SMAP2: variants seen among roughly 807,000 people sequenced by gnomAD.
SMAP2 encodes stromal membrane-associated protein 2.
SMAP2 carries 25 observed loss-of-function variants against 56.4 expected under a neutral mutation model. That is an observed-to-expected ratio of 0.44 (90% confidence interval 0.32 to 0.62). The LOEUF (loss-of-function observed/expected upper bound fraction) is 0.62, where lower values mean the gene tolerates loss of function less well. SMAP2 is among the 20% of genes least tolerant of loss of function. SMAP2 has a pLI of 0.04. For missense variants in SMAP2, 388 were observed against 545.6 expected (o/e 0.71, Z 2.88); for synonymous variants, 157 against 181.7 (o/e 0.86, Z 1.09).
chr1:40,401,461 A>C (rs1283310668), intron 1 of SMAP2, among the ~76,000 whole-genome samples: 1 of 152,188 alleles, frequency 6.6e-6, no homozygotes, highest in Non-Finnish European at 1.5e-5. Flanking sequence ...GTCTAAATAT[A>C]GGTAGCCATC....
chr1:40,423,156 G>A lies in SMAP2; in HGVS notation c.*1055G>A, dbSNP rs558765708. The stretch of plus-strand genomic sequence containing the variant: ...TGCTCTGTTTCCCCACCGTTCCCAG[G>A]TGTACGAGGCAGAGGGCCGGGACAG... On this transcript the variant is annotated 3_prime_UTR_variant, in exon 10 of 10. Transcript: ENST00000372718. The A allele has an allele frequency of 6.5e-6, 1 of 152,704 alleles. No individual in the cohort carries two copies. Among genetic ancestry groups the A allele is most frequent in the South Asian group, 2.1e-4 (1 of 4,816 alleles). 9.5% of individuals were successfully genotyped at this position (152,704 alleles called of 1,614,324 possible). A position where few individuals can be genotyped will look rare whatever the true frequency, so the allele number is the denominator to read the frequency against.
intron 1 of SMAP2, among the ~76,000 whole-genome samples, chr1:40,361,732 G>A (rs1306907450): frequency 1.3e-5 from 2 of 152,164 alleles, no homozygotes; most frequent in African/African-American, 4.8e-5. Flanking sequence ...GCCACAGGGA[G>A]AGACTCCTCT....
At chr1:40,361,783 T>C (rs886260236) in intron 1 of SMAP2, among the ~76,000 whole-genome samples, 2 of 152,168 alleles carry the variant, frequency 1.3e-5, no homozygotes, top group Admixed American at 6.5e-5. Flanking sequence ...GGACTTTGTC[T>C]TGTGGCTTGG....
Position 40,405,757 on chromosome 1 carries a change from TC to T in SMAP2, c.104-978del, listed in dbSNP as rs1198172012. Among the ~76,000 whole-genome samples, 14 of 152,380 alleles carry T rather than the reference TC, an allele frequency of 9.2e-5. 1 individual carries two copies. The highest frequency in any genetic ancestry group is 5.8e-4 in the East Asian group (3 of 5,196). The stretch of plus-strand genomic sequence containing the variant: ...TGGCAGGTTTCATATAAGTCATTTT[TC>T]TTTCCTGGGTAAAAATTATGAAGAG... On this transcript the variant is annotated intron_variant, in intron 1 of 9. Transcript: ENST00000372718.
chr1:40,412,642 T>C (rs1213141263), intron 4 of SMAP2, among the ~76,000 whole-genome samples: 2 of 152,206 alleles, frequency 1.3e-5, no homozygotes, highest in Non-Finnish European at 2.9e-5. Context: ...GATGAACTTA[T>C]TCACTAGTAT....
At chr1:40,418,125 TAAGAC>T (rs1010202574) in intron 9 of SMAP2, among the ~76,000 whole-genome samples, 21 of 152,264 alleles carry the variant, frequency 1.4e-4, no homozygotes, top group African/African-American at 4.3e-4. Context: ...CATTTGCAGA[TAAGAC>T]AAAACACCTT....
chr1:40,397,772 C>A (rs1644786902), intron 1 of SMAP2, among the ~76,000 whole-genome samples: 1 of 151,982 alleles, frequency 6.6e-6, no homozygotes, highest in African/African-American at 2.4e-5. Flanking sequence ...CAAAGCATAC[C>A]CTGGGCTATT....
chr1:40,401,273 A>G (rs7525466), intron 1 of SMAP2, among the ~76,000 whole-genome samples: 3,677 of 152,200 alleles, frequency 0.024, 60 homozygotes, highest in African/African-American at 0.043. Context: ...AAAACAAACA[A>G]ACACACACAA....
intron 1 of SMAP2, among the ~76,000 whole-genome samples, chr1:40,376,968 G>A (rs1255736702): frequency 6.6e-6 from 1 of 152,078 alleles, no homozygotes; most frequent in Non-Finnish European, 1.5e-5. Flanking sequence ...TTTATTAGTT[G>A]ACTTTCAAGG....
intron 1 of SMAP2, among the ~76,000 whole-genome samples, chr1:40,354,542 T>C (rs1054773796): frequency 2.6e-5 from 4 of 151,838 alleles, no homozygotes; most frequent in Non-Finnish European, 5.9e-5. Flanking sequence ...TTTCACCATA[T>C]TGGCCAGGCT....
chr1:40,391,385 G>A (rs1457330574), intron 1 of SMAP2, among the ~76,000 whole-genome samples: 1 of 152,026 alleles, frequency 6.6e-6, no homozygotes, highest in Admixed American at 6.6e-5. Flanking sequence ...AGTCCACCTG[G>A]CCAACTTTGA....
chr1:40,387,676 A>C (rs1644671136), intron 1 of SMAP2, among the ~76,000 whole-genome samples: 1 of 152,008 alleles, frequency 6.6e-6, no homozygotes, highest in Non-Finnish European at 1.5e-5. Context: ...TCACATTGAG[A>C]GGTGACAGCG....
At chr1:40,378,873 A>G (rs1234978562) in intron 1 of SMAP2, among the ~76,000 whole-genome samples, 1 of 152,202 alleles carries the variant, frequency 6.6e-6, no homozygotes, top group Non-Finnish European at 1.5e-5. Flanking sequence ...CAAAAGGTCC[A>G]AAGGGGAATA....
chr1:40,387,520 G>T (rs910056666), intron 1 of SMAP2, among the ~76,000 whole-genome samples: 2 of 152,202 alleles, frequency 1.3e-5, no homozygotes, highest in Non-Finnish European at 2.9e-5. Context: ...TTATCATTCT[G>T]AACTGCTTCA....
chr1:40,351,717 G>T (rs936693724), intron 1 of SMAP2, among the ~76,000 whole-genome samples: 2 of 152,106 alleles, frequency 1.3e-5, no homozygotes, highest in African/African-American at 4.8e-5. Context: ...GGTCAGGCTC[G>T]TCTCGAACTC....
chr1:40,347,180 A>G (rs896712092), intron 1 of SMAP2, among the ~76,000 whole-genome samples: 1 of 149,860 alleles, frequency 6.7e-6, no homozygotes, highest in East Asian at 2.0e-4. Flanking sequence ...AGTAGCTGGG[A>G]CCACAGGTGC....
Position 40,374,237 on chromosome 1 carries a change from C to A in SMAP2, c.103+14C>A. 4 of 1,599,150 alleles carry A rather than the reference C, an allele frequency of 2.5e-6. No homozygotes were observed. Among genetic ancestry groups the A allele is most frequent in the Non-Finnish European group, 3.4e-6 (4 of 1,172,422 alleles). ...GCCAGTCTAAAGGTAGCGCATCCCA[C>A]CTGGCGGGCCAGGGGTCCAGCCGCG... On this transcript the variant is annotated intron_variant, in intron 1 of 9. Transcript: ENST00000372718. The surrounding 1 kb of genome is among the most constrained non-coding windows in gnomAD (Gnocchi z 5.9).
intron 1 of SMAP2, among the ~76,000 whole-genome samples, chr1:40,383,556 A>T (rs1175424087): frequency 6.6e-6 from 1 of 152,190 alleles, no homozygotes; most frequent in Non-Finnish European, 1.5e-5. Context: ...CAGATATAAC[A>T]TTGCGTGCTT....
intron 1 of SMAP2, among the ~76,000 whole-genome samples, chr1:40,388,898 C>G (rs536743551): frequency 6.6e-6 from 1 of 152,104 alleles, no homozygotes; most frequent in African/African-American, 2.4e-5. Context: ...AGCGAGACCA[C>G]GAACCCACCG....
Sources: allele counts gnomAD v4.1 joint callset (sites outside exome capture counted in the v4.1 genomes callset), GRCh38; gene constraint gnomAD v4.1.1; non-coding constraint Gnocchi (gnomAD v3.1); transcripts MANE v1.5; gene names NCBI Gene and HGNC (gene_info 2026-07-23, HGNC 2026-07-21).